CDH22: variants seen among roughly 807,000 people sequenced by gnomAD.
The protein encoded by CDH22 is cadherin 22, also known as cadherin-22.
CDH22 carries 30 observed loss-of-function variants against 58.4 expected under a neutral mutation model. The ratio of observed to expected loss-of-function variants is 0.51; its 90% confidence interval spans 0.38 to 0.70. The LOEUF (loss-of-function observed/expected upper bound fraction) is 0.70, where lower values mean the gene tolerates loss of function less well. CDH22 is among the 30% of genes least tolerant of loss of function. CDH22 has a pLI of 0.00. For synonymous variants in CDH22, 513 were observed against 558.2 expected (o/e 0.92, Z 1.14); for missense variants, 1,014 against 1,233.9 (o/e 0.82, Z 2.67).
intron 1 of CDH22, among the ~76,000 whole-genome samples, chr20:46,253,235 T>C (rs182851444): frequency 1.3e-5 from 2 of 152,374 alleles, no homozygotes; most frequent in Non-Finnish European, 2.9e-5. Context: ...AATTGTCTTA[T>C]GCCTATTTTG....
chr20:46,175,252 G>C (rs1253584534), intron 11 of CDH22, among the ~76,000 whole-genome samples, 175 bp from the exon 12 acceptor site: 1 of 152,210 alleles, frequency 6.6e-6, no homozygotes, highest in Non-Finnish European at 1.5e-5. Context: ...GAACTGAGCT[G>C]AGTGTCTGGA....
At position 46,216,982 on chromosome 20, in the gene CDH22, T is replaced by A; in HGVS notation, c.682A>T (p.Thr228Ser). The stretch of plus-strand genomic sequence containing the variant: ...TCGCGGTCAAGGTCAGGCACAGCCG[T>A]CCGGATTACGCCTGTGGGTGAGTGA... ...TVDPKTGVIR[T>S]AVPDLDRESQ... The change falls in exon 5 of 12, where the codon ACG (threonine) becomes TCG (serine). Residue 228 changes from threonine to serine, a missense_variant. Thr to Ser is a moderately conservative substitution (Grantham distance 58, BLOSUM62 1). This residue lies in a region of CDH22 where 806 missense variants were observed against 1,038.7 expected (regional missense o/e 0.78). Transcript: ENST00000537909. The surrounding 1 kb of genome is among the most constrained non-coding windows in gnomAD (Gnocchi z 5.3). 1 of 1,595,342 alleles carries A rather than the reference T, an allele frequency of 6.3e-7. No individual in the cohort carries two copies. The highest frequency in any genetic ancestry group is 1.1e-5 in the South Asian group (1 of 90,710).
chr20:46,264,053 G>A (rs146512503), intron 1 of CDH22, among the ~76,000 whole-genome samples: 46 of 152,218 alleles, frequency 3.0e-4, no homozygotes, highest in South Asian at 8.3e-4. Flanking sequence ...CAGATGTAGC[G>A]GACGAGGGAG....
chr20:46,190,487 C>T (rs1041859390), intron 8 of CDH22, among the ~76,000 whole-genome samples: 9 of 152,218 alleles, frequency 5.9e-5, no homozygotes, highest in East Asian at 1.9e-4. Flanking sequence ...ACCCAATGGC[C>T]GGCTGCAGGT....
chr20:46,236,606 T>C (rs2086254698), intron 3 of CDH22, among the ~76,000 whole-genome samples: 1 of 143,062 alleles, frequency 7.0e-6, no homozygotes, highest in South Asian at 2.1e-4. Context: ...ATATTATATA[T>C]AGATATATAT....
intron 8 of CDH22, 97 bp from the exon 9 acceptor site, chr20:46,187,044 T>C: frequency 7.5e-7 from 1 of 1,330,316 alleles, no homozygotes. Context: ...AGTGGGGTCA[T>C]GCTGAGAAAT....
At chr20:46,263,798 C>T (rs1429592009) in intron 1 of CDH22, among the ~76,000 whole-genome samples, 1 of 152,058 alleles carries the variant, frequency 6.6e-6, no homozygotes, top group Non-Finnish European at 1.5e-5. Context: ...AACCAGAAGG[C>T]ACTGAAGAGC....
At chr20:46,177,562 C>T (rs938786778) in intron 11 of CDH22, among the ~76,000 whole-genome samples, 3 of 152,250 alleles carry the variant, frequency 2.0e-5, no homozygotes, top group East Asian at 1.9e-4. Flanking sequence ...TGACCCCCAG[C>T]GCTTTCATCT....
In CDH22 at chr20:46,174,818, G is replaced by A; in HGVS notation, c.2175C>T (p.His725=). 1.4e-6 allele frequency: 2 copies of A among 1,468,172 alleles called. No individual in the cohort carries two copies. Among genetic ancestry groups the A allele is most frequent in the East Asian group, 3.0e-5 (1 of 33,444 alleles). 90.9% of individuals were successfully genotyped at this position (1,468,172 alleles called of 1,614,324 possible). The change falls in exon 12 of 12, where the codon CAC becomes CAT. Residue 725 remains histidine (H), a synonymous_variant. Transcript: ENST00000537909. This position sits in a 1 kb window ranked among gnomAD's most constrained non-coding sequence, Gnocchi z 4.4. ...GGGAGSPPQA[H]LPSERHSLPQ... is the part of the protein sequence containing the mutation. ...GCAGCGAGTGGCGCTCGGAGGGCAG[G>A]TGGGCCTGCGGGGGGCTGCCCGCGC...
Position 46,174,654 on chromosome 20 carries a change from G to T in CDH22, c.2339C>A (p.Ser780Ter), listed in dbSNP as rs763963730. The T allele has an allele frequency of 1.9e-6, 3 of 1,556,314 alleles. No individual in the cohort carries two copies. The highest frequency in any genetic ancestry group is 2.6e-6 in the Non-Finnish European group (3 of 1,157,594). The stretch of plus-strand genomic sequence containing the variant: ...CAGGGAGCTGAGCGAGGCGGCCGGC[G>T]AGTCCGCGCCCTCGAAGGCGTAGGT... ...FQTYAFEGADSPAASLSSLHS... is the reference protein window; with the variant it reads ...FQTYAFEGAD Residue 780 changes from serine (S) to a stop codon, truncating the protein, a stop_gained, in exon 12 of 12, where the codon TCG (serine) becomes TAG (stop). Transcript: ENST00000537909. LOFTEE classifies it low-confidence loss of function (END_TRUNC). The surrounding 1 kb of genome is among the most constrained non-coding windows in gnomAD (Gnocchi z 4.4).
Position 46,251,407 on chromosome 20 carries a change from GCC to G in CDH22, c.-115_-114del. On this transcript the variant is annotated 5_prime_UTR_variant, in exon 2 of 12. It removes the in-frame stop codon of an upstream open reading frame in the 5' UTR. Coordinates refer to ENST00000537909, the MANE Select transcript of CDH22 (RefSeq NM_021248.3). The surrounding 1 kb of genome is among the most constrained non-coding windows in gnomAD (Gnocchi z 6.7). ...GTCACATGGTGGCCTCAGCGCGGCC[GCC>G]GGGATGTCGCCCCCGACGGGGCACC... is the stretch of plus-strand genomic sequence containing the variant. 4.9e-6 allele frequency: 6 copies of G among 1,222,282 alleles called. No homozygotes were observed. The highest frequency in any genetic ancestry group is 4.1e-5 in the Admixed American group (1 of 24,154). 75.7% of individuals were successfully genotyped at this position (1,222,282 alleles called of 1,614,324 possible).
intron 1 of CDH22, among the ~76,000 whole-genome samples, chr20:46,272,809 G>T (rs897175632): frequency 2.0e-5 from 3 of 152,222 alleles, no homozygotes; most frequent in Admixed American, 1.3e-4. Flanking sequence ...TACTGCCAGT[G>T]CTTAGCTCAT....
intron 10 of CDH22, among the ~76,000 whole-genome samples, chr20:46,180,073 C>T (rs1257247947): frequency 6.6e-6 from 1 of 152,226 alleles, no homozygotes; most frequent in African/African-American, 2.4e-5. Flanking sequence ...GTGCCATGCA[C>T]AGTTCTGTTA....
At chr20:46,226,905 C>T (rs951052816) in intron 4 of CDH22, among the ~76,000 whole-genome samples, 13 of 152,304 alleles carry the variant, frequency 8.5e-5, no homozygotes, top group East Asian at 5.8e-4. Context: ...AGAGATTAGT[C>T]AGGTTCTAAT....
chr20:46,268,672 T>C (rs905969860), intron 1 of CDH22, among the ~76,000 whole-genome samples: 4 of 152,132 alleles, frequency 2.6e-5, no homozygotes, highest in African/African-American at 9.7e-5. Flanking sequence ...CGCTTTCTCC[T>C]AGGATGGGAG....
At chr20:46,263,708 G>T (rs184908431) in intron 1 of CDH22, among the ~76,000 whole-genome samples, 175 of 152,266 alleles carry the variant, frequency 1.1e-3, no homozygotes, top group Non-Finnish European at 8.2e-4. Context: ...GGACCGAAAG[G>T]CCAGGGGAAG....
At chr20:46,226,289 C>CT (rs1182728033) in intron 4 of CDH22, among the ~76,000 whole-genome samples, 3 of 3,542 alleles carry the variant, frequency 8.5e-4, no homozygotes, top group African/African-American at 2.5e-3. Flanking sequence ...TCTTCTTCTT[C>CT]TTCTTTTTTT....
At chr20:46,253,683 G>A (rs2145740792) in intron 1 of CDH22, among the ~76,000 whole-genome samples, 1 of 152,300 alleles carries the variant, frequency 6.6e-6, no homozygotes, top group East Asian at 1.9e-4. Flanking sequence ...TGAGGAGGAG[G>A]TGCAGCTCCA....
chr20:46,285,345 C>A (rs1261110061), intron 1 of CDH22, among the ~76,000 whole-genome samples: 1 of 152,174 alleles, frequency 6.6e-6, no homozygotes, highest in East Asian at 1.9e-4. Flanking sequence ...CTCTGCTGTG[C>A]AGAATTTGTG....
Sources: allele counts gnomAD v4.1 joint callset (sites outside exome capture counted in the v4.1 genomes callset), GRCh38; gene constraint gnomAD v4.1.1; regional missense constraint gnomAD v4.1.1; non-coding constraint Gnocchi (gnomAD v3.1); transcripts MANE v1.5; gene names NCBI Gene and HGNC (gene_info 2026-07-23, HGNC 2026-07-21).